UTRN: variants seen among roughly 807,000 people sequenced by gnomAD.
UTRN encodes dystrophin-related protein 1.
A neutral mutation model predicts 463.9 loss-of-function variants in UTRN; 283 were observed. The observed-to-expected ratio is 0.61, with a 90% CI of 0.55 to 0.67. UTRN has a LOEUF of 0.67. Among genes scored for constraint, UTRN ranks in the 30% least tolerant of loss-of-function variants. The pLI, the probability that UTRN is intolerant of heterozygous loss-of-function variation, is 0.00. For missense variants in UTRN, 3,922 were observed against 4,084.3 expected (o/e 0.96, Z 1.08); for synonymous variants, 1,442 against 1,431.5 (o/e 1.01, Z -0.17).
intron 50 of UTRN, among the ~76,000 whole-genome samples, chr6:144,565,119 A>G (rs138370071): frequency 6.6e-6 from 1 of 152,302 alleles, no homozygotes; most frequent in Admixed American, 6.5e-5. Flanking sequence ...TAGATTTGCG[A>G]TATGCCTTGG....
chr6:144,735,479 GTTCAGAGGACCTGGAAAGGTCC>G (rs1350919568), intron 54 of UTRN, among the ~76,000 whole-genome samples: 1 of 152,164 alleles, frequency 6.6e-6, no homozygotes, highest in African/African-American at 2.4e-5. Context: ...GTGCTGAATG[GTTCAGAGGACCTGGAAAGGTCC>G]TACAGAGGAC....
chr6:144,493,265 G>A, intron 32 of UTRN, 36 bp from the exon 33 acceptor site: 1 of 1,608,452 alleles, frequency 6.2e-7, no homozygotes, highest in Non-Finnish European at 8.5e-7. Context: ...TGTCACCACA[G>A]TGTGTAATTT....
intron 51 of UTRN, among the ~76,000 whole-genome samples, chr6:144,618,851 C>A (rs1195945665): frequency 2.6e-5 from 4 of 152,004 alleles, no homozygotes; most frequent in Non-Finnish European, 4.4e-5. Flanking sequence ...TAGAACACAC[C>A]AAATATGTTT....
intron 59 of UTRN, 106 bp from the exon 60 acceptor site, chr6:144,774,184 C>T: frequency 9.0e-7 from 1 of 1,114,398 alleles, no homozygotes; most frequent in Non-Finnish European, 1.3e-6. Context: ...TTATTTCAGG[C>T]AAACATAATA....
At chr6:144,449,784 C>T (rs553231970) in intron 17 of UTRN, among the ~76,000 whole-genome samples, 1 of 152,136 alleles carries the variant, frequency 6.6e-6, no homozygotes, top group Non-Finnish European at 1.5e-5. Flanking sequence ...TATCGAGAAG[C>T]TCTGTGGGGA....
chr6:144,390,621 G>A (rs960204982), intron 2 of UTRN, among the ~76,000 whole-genome samples: 3 of 152,160 alleles, frequency 2.0e-5, no homozygotes, highest in Admixed American at 6.5e-5. Flanking sequence ...TCTGCATCAT[G>A]TTTTTAGGAC....
chr6:144,796,165 A>G (rs1777194665), intron 63 of UTRN, among the ~76,000 whole-genome samples: 1 of 152,198 alleles, frequency 6.6e-6, no homozygotes, highest in African/African-American at 2.4e-5. Flanking sequence ...TTTATTAAAT[A>G]GGGAATTCTT....
At chr6:144,623,459 T>A (rs1409808142) in intron 51 of UTRN, among the ~76,000 whole-genome samples, 2 of 152,216 alleles carry the variant, frequency 1.3e-5, no homozygotes, top group African/African-American at 4.8e-5. Flanking sequence ...TTCTAAGTAC[T>A]TGTTACTCTT....
At chr6:144,498,723 C>T (rs1263824691) in intron 33 of UTRN, among the ~76,000 whole-genome samples, 4 of 151,906 alleles carry the variant, frequency 2.6e-5, no homozygotes, top group Non-Finnish European at 4.4e-5. Flanking sequence ...GGCAGGATCA[C>T]GGCTCACTGC....
intron 2 of UTRN, among the ~76,000 whole-genome samples, chr6:144,376,800 A>C (rs1780502446): frequency 1.3e-5 from 2 of 152,240 alleles, no homozygotes; most frequent in Non-Finnish European, 2.9e-5. Flanking sequence ...TTCTTTTACC[A>C]AGATTTCACT....
rs1394286762 is a variant in UTRN at position 144,514,051 on chromosome 6, A to G, written c.5073+14A>G. On this transcript the variant is annotated intron_variant, in intron 36 of 74. Transcript: ENST00000367545. ...GAAATTGTGAAGGTAGCAAACACAG[A>G]CATCAGTAACGCTTTTGGGAGTGGC... is the stretch of plus-strand genomic sequence containing the variant. 2.5e-6 allele frequency: 4 copies of G among 1,613,350 alleles called. No homozygotes were observed. The South Asian group carries it at 4.4e-5, about 18-fold the overall frequency.
chr6:144,516,887 A>T lies in UTRN; in HGVS notation c.5480A>T (p.Asn1827Ile). The change falls in exon 39 of 75, where the codon AAT (asparagine) becomes ATT (isoleucine). Residue 1827 changes from asparagine to isoleucine, a missense_variant. Asn to Ile is a moderately radical substitution (Grantham distance 149, BLOSUM62 -3). Around this residue, in one of 3 missense-constraint regions of UTRN, gnomAD observed 2,349 missense variants for 2,303.8 expected, o/e 1.02. Transcript: ENST00000367545. The part of the protein sequence containing the change: ...EEMLHQPMED[N>I]KKEKIRLQLL... ...ATGTTACATCAACCTATGGAAGATA[A>T]TAAAAAAGAAAAGATCCGTTTGCAA... The T allele has an allele frequency of 6.6e-7, 1 of 1,513,190 alleles. No homozygotes were observed. Among genetic ancestry groups the T allele is most frequent in the Admixed American group, 2.1e-5 (1 of 46,764 alleles). The allele number at this position is 1,513,190 out of a possible 1,614,324, so 93.7% of individuals were successfully genotyped here.
intron 2 of UTRN, among the ~76,000 whole-genome samples, chr6:144,321,748 G>A (rs1356194051): frequency 2.7e-5 from 4 of 150,838 alleles, no homozygotes; most frequent in Non-Finnish European, 4.4e-5. Context: ...AGGATTACAG[G>A]CCTGAGCCAC....
intron 1 of UTRN, among the ~76,000 whole-genome samples, chr6:144,289,688 A>C (rs373726038): frequency 6.6e-6 from 1 of 151,960 alleles, no homozygotes; most frequent in East Asian, 1.9e-4. Flanking sequence ...TGCCCTTGTC[A>C]CCCAGGCTGG....
chr6:144,377,582 G>A (rs1362019028), intron 2 of UTRN, among the ~76,000 whole-genome samples: 1 of 152,134 alleles, frequency 6.6e-6, no homozygotes, highest in Non-Finnish European at 1.5e-5. Context: ...GGCATGGATT[G>A]TTGCTATTTT....
At chr6:144,488,950 A>G (rs1188671696) in intron 30 of UTRN, 116 bp downstream of exon 30, 1 of 1,040,266 alleles carries the variant, frequency 9.6e-7, no homozygotes, top group Non-Finnish European at 1.3e-6. Context: ...GGAAAGATTG[A>G]CCTTACTTAC....
intron 51 of UTRN, among the ~76,000 whole-genome samples, chr6:144,662,508 A>C (rs1178088266): frequency 6.6e-6 from 1 of 152,146 alleles, no homozygotes; most frequent in African/African-American, 2.4e-5. Flanking sequence ...AGTATTAGTA[A>C]CCTGTTTCTA....
At position 144,562,474 on chromosome 6, in the gene UTRN, A is replaced by G. The variant is rs187970015; in HGVS notation, c.7289+5163A>G. ...GCGGTGTTTGGTTTTCTGTTCCTGCATTAGTTTGCGGTGGATAATGGCTTC... is the reference window on the plus strand; with the variant it reads ...GCGGTGTTTGGTTTTCTGTTCCTGCGTTAGTTTGCGGTGGATAATGGCTTC... On this transcript the variant is annotated intron_variant, in intron 50 of 74. Transcript: ENST00000367545. 1.2e-4 allele frequency among the ~76,000 whole-genome samples: 18 copies of G among 152,156 alleles called. No individual in the cohort carries two copies. In the East Asian group the frequency reaches 3.5e-3, roughly 29 times the overall value.
intron 54 of UTRN, among the ~76,000 whole-genome samples, chr6:144,732,247 T>TACAA (rs1197689032): frequency 8.9e-6 from 1 of 112,928 alleles, no homozygotes; most frequent in East Asian, 3.4e-4. Flanking sequence ...TACATATATA[T>TACAA]ATATATATAT....
Sources: allele counts gnomAD v4.1 joint callset (sites outside exome capture counted in the v4.1 genomes callset), GRCh38; gene constraint gnomAD v4.1.1; regional missense constraint gnomAD v4.1.1; transcripts MANE v1.5; gene names NCBI Gene and HGNC (gene_info 2026-07-23, HGNC 2026-07-21).